CLASP1: variants seen among roughly 807,000 people sequenced by gnomAD.
The protein encoded by CLASP1 is CLIP-associating protein 1.
Under a neutral mutation model 192.3 loss-of-function variants are expected in CLASP1, and 38 were observed. That is an observed-to-expected ratio of 0.20 (90% CI 0.15 to 0.26). CLASP1 has a LOEUF of 0.26. Among genes scored for constraint, CLASP1 ranks in the 10% least tolerant of loss-of-function variants. The pLI is 1.00. For synonymous variants in CLASP1, 691 were observed against 712.8 expected, an observed-to-expected ratio of 0.97 and a Z score of 0.49; for missense variants, 1,433 against 1,932.5, an observed-to-expected ratio of 0.74 and a Z score of 4.85.
intron 2 of CLASP1, among the ~76,000 whole-genome samples, chr2:121,545,340 TTC>T (rs991097905): frequency 1.3e-5 from 2 of 152,182 alleles, no homozygotes; most frequent in Non-Finnish European, 2.9e-5. Context: ...GTTTTTGTTT[TTC>T]TTTTATTTGT....
intron 6 of CLASP1, among the ~76,000 whole-genome samples, chr2:121,525,480 C>T (rs2094553492): frequency 6.6e-6 from 1 of 152,110 alleles, no homozygotes; most frequent in Admixed American, 6.5e-5. Context: ...TCTCCCCAAC[C>T]TCAGCAGATT....
intron 30 of CLASP1, among the ~76,000 whole-genome samples, chr2:121,393,744 G>A (rs1307352973): frequency 3.3e-5 from 5 of 152,036 alleles, no homozygotes; most frequent in Non-Finnish European, 5.9e-5. Context: ...CTAATGTAGA[G>A]TTTGAGGACA....
rs181223915 is a variant in CLASP1, at chr2:121,413,107, A to G, written c.2321-2138T>C. The stretch of plus-strand genomic sequence containing the variant: ...AATCCCGTCTCTACAAAAAACAACA[A>G]AAACTAGCTGGGTATGGTGGCACGC... On this transcript the variant is annotated intron_variant, in intron 23 of 39. Transcript: ENST00000263710. Among the ~76,000 whole-genome samples, 6 of 152,220 alleles carry G rather than the reference A, an allele frequency of 3.9e-5. No homozygotes were observed. In the East Asian group the frequency reaches 9.7e-4, roughly 25 times the overall value.
At chr2:121,647,008 C>A (rs2073288635) in intron 1 of CLASP1, among the ~76,000 whole-genome samples, 1 of 147,088 alleles carries the variant, frequency 6.8e-6, no homozygotes, top group Admixed American at 6.9e-5. Context: ...CCACTGCATT[C>A]CAGCCTGGGT....
At chr2:121,343,914 T>C (rs563536052) in intron 39 of CLASP1, among the ~76,000 whole-genome samples, 60 of 152,026 alleles carry the variant, frequency 3.9e-4, no homozygotes, top group African/African-American at 1.4e-3. Flanking sequence ...CAACTAAAAA[T>C]ACAAAAACTA....
At chr2:121,610,662 G>A (rs543500347) in intron 1 of CLASP1, among the ~76,000 whole-genome samples, 1 of 148,262 alleles carries the variant, frequency 6.7e-6, no homozygotes, top group East Asian at 2.1e-4. Flanking sequence ...AGGAACTGGA[G>A]GAGGAGGAGT....
intron 22 of CLASP1, among the ~76,000 whole-genome samples, chr2:121,421,327 C>T (rs1559123348): frequency 6.6e-6 from 1 of 152,164 alleles, no homozygotes; most frequent in Non-Finnish European, 1.5e-5. Context: ...GTGATCTTGA[C>T]TCACTGCAAC....
At chr2:121,563,682 T>G (rs1240114747) in intron 2 of CLASP1, among the ~76,000 whole-genome samples, 1 of 152,164 alleles carries the variant, frequency 6.6e-6, no homozygotes, top group South Asian at 2.1e-4. Flanking sequence ...CTGGGGAAAT[T>G]AGCTTCTTTT....
At chr2:121,450,468 G>A (rs1214910865) in intron 16 of CLASP1, among the ~76,000 whole-genome samples, 2 of 152,124 alleles carry the variant, frequency 1.3e-5, no homozygotes, top group Non-Finnish European at 2.9e-5. Context: ...ATAATCCCAG[G>A]CATTAGTCGA....
chr2:121,493,027 T>C (rs1220414959), intron 8 of CLASP1, among the ~76,000 whole-genome samples: 2 of 152,212 alleles, frequency 1.3e-5, no homozygotes, highest in Admixed American at 1.3e-4. Flanking sequence ...GTAAATTATA[T>C]TTTAACAAAG....
chr2:121,606,595 A>C (rs2064447295), intron 1 of CLASP1, among the ~76,000 whole-genome samples: 1 of 152,212 alleles, frequency 6.6e-6, no homozygotes, highest in Admixed American at 6.5e-5. Context: ...CTAAAAAAAA[A>C]CCAAGTATGG....
intron 1 of CLASP1, among the ~76,000 whole-genome samples, chr2:121,622,737 T>C (rs546983886): frequency 1.3e-5 from 2 of 152,344 alleles, no homozygotes; most frequent in African/African-American, 2.4e-5. Context: ...TGATCCCGTA[T>C]TCTGCAACTT....
At chr2:121,358,097 GT>G (rs766649680) in intron 37 of CLASP1, among the ~76,000 whole-genome samples, 2 of 152,220 alleles carry the variant, frequency 1.3e-5, no homozygotes, top group Non-Finnish European at 2.9e-5. Context: ...AGTTTGTGCT[GT>G]TAGTATGACT....
chr2:121,412,749 G>GAT (rs1311321237), intron 23 of CLASP1, among the ~76,000 whole-genome samples: 1 of 152,102 alleles, frequency 6.6e-6, no homozygotes, highest in African/African-American at 2.4e-5. Context: ...TAGATCATTT[G>GAT]ATATATATCA....
chr2:121,427,381 A>G, intron 21 of CLASP1, 23 bp downstream of exon 21: 1 of 1,611,714 alleles, frequency 6.2e-7, no homozygotes, highest in Non-Finnish European at 8.5e-7. Context: ...CAACAAAAAA[A>G]GGCAAGAAGA....
intron 2 of CLASP1, among the ~76,000 whole-genome samples, chr2:121,539,614 G>A (rs908952088): frequency 6.6e-6 from 1 of 152,150 alleles, no homozygotes; most frequent in African/African-American, 2.4e-5. Flanking sequence ...AAACCATAAA[G>A]GACAAGATTG....
chr2:121,463,293 C>T (rs1304002284), intron 9 of CLASP1, among the ~76,000 whole-genome samples: 2 of 152,040 alleles, frequency 1.3e-5, no homozygotes, highest in East Asian at 3.9e-4. Flanking sequence ...CTTCATAACC[C>T]CCATTAATGA....
In CLASP1 at chr2:121,500,342, GAAAAAGAAAGAA is replaced by G. The variant is rs1476169671; in HGVS notation, c.712+2813_712+2824del. ...AGAGGAAGAGAAAGAAGGAAAGAAA[GAAAAAGAAAGAA>G]AGAAAGAAAGAAAGAAAGAAAGAAA... On this transcript the variant is annotated intron_variant, in intron 8 of 39. Transcript: ENST00000263710. 3.4e-5 allele frequency among the ~76,000 whole-genome samples: 3 copies of G among 88,822 alleles called. 1 individual carries two copies. The highest frequency in any genetic ancestry group is 1.3e-4 in the African/African-American group (3 of 23,250). The allele number at this position is 88,822 out of a possible 152,430, so 58.3% of individuals were successfully genotyped here.
At chr2:121,579,320 G>A (rs1457979209) in intron 2 of CLASP1, among the ~76,000 whole-genome samples, 1 of 152,174 alleles carries the variant, frequency 6.6e-6, no homozygotes, top group Non-Finnish European at 1.5e-5. Flanking sequence ...TAGCTCACTT[G>A]TTAAAAATTG....
Sources: allele counts gnomAD v4.1 joint callset (sites outside exome capture counted in the v4.1 genomes callset), GRCh38; gene constraint gnomAD v4.1.1; transcripts MANE v1.5; gene names NCBI Gene and HGNC (gene_info 2026-07-23, HGNC 2026-07-21).